RAB3GAP2: variants seen among roughly 807,000 people sequenced by gnomAD.
RAB3GAP2 encodes the protein rab3 GTPase-activating protein non-catalytic subunit.
In RAB3GAP2, 87 loss-of-function variants were observed where a neutral mutation model predicts 185.3. The observed-to-expected ratio is 0.47, with a 90% CI of 0.39 to 0.56. RAB3GAP2 has a LOEUF of 0.56. Among genes scored for constraint, RAB3GAP2 ranks in the 20% least tolerant of loss-of-function variants. RAB3GAP2 has a pLI of 0.00. For missense variants in RAB3GAP2, 1,492 were observed against 1,638.2 expected, an observed-to-expected ratio of 0.91 and a Z score of 1.54; for synonymous variants, 554 against 576.1, an observed-to-expected ratio of 0.96 and a Z score of 0.55.
intron 23 of RAB3GAP2, 34 bp from the exon 24 acceptor site, chr1:220,171,154 A>T: frequency 6.3e-7 from 1 of 1,578,520 alleles, no homozygotes. Flanking sequence ...TCTTTGCCAA[A>T]GATTCTGAAT....
chr1:220,230,306 A>C (rs1040331192), intron 2 of RAB3GAP2, among the ~76,000 whole-genome samples: 7 of 152,240 alleles, frequency 4.6e-5, no homozygotes, highest in African/African-American at 1.7e-4. Context: ...AGACAACCAC[A>C]AACAAGAGAC....
In RAB3GAP2 at chr1:220,220,818, A is replaced by G. The variant is rs146662339; in HGVS notation, c.181-6839T>C. On this transcript the variant is annotated intron_variant, in intron 2 of 34. Coordinates refer to ENST00000358951, the MANE Select transcript of RAB3GAP2 (RefSeq NM_012414.4). ...TCTCTTGTCTGTCGCCATGTGAGAC[A>G]TGGCTTTCACCTTCCACCATGATTG... Among the ~76,000 whole-genome samples, 113 of 152,320 alleles carry G rather than the reference A, an allele frequency of 7.4e-4. 1 individual carries two copies. The East Asian group carries it at 0.02, about 27-fold the overall frequency.
chr1:220,196,382 G>A lies in RAB3GAP2; in HGVS notation c.828C>T (p.Ser276=). ...DHASVGIMTL[S]PFDQMKTASN... ...AGGCAGTCTTCATTTGATCAAAGGG[G>A]GACAGAGTCATAATACCTAATAAAA... Residue 276 remains serine (S), a synonymous_variant, in exon 10 of 35, where the codon TCC becomes TCT. Transcript: ENST00000358951. The A allele has an allele frequency of 1.2e-6, 2 of 1,602,784 alleles. No homozygotes were observed. Among genetic ancestry groups the A allele is most frequent in the African/African-American group, 1.3e-5 (1 of 74,208 alleles).
At chr1:220,208,694 G>A (rs1225849827) in intron 7 of RAB3GAP2, among the ~76,000 whole-genome samples, 1 of 151,958 alleles carries the variant, frequency 6.6e-6, no homozygotes, top group Non-Finnish European at 1.5e-5. Flanking sequence ...CAATAACCAG[G>A]TCCTATTAAT....
At chr1:220,217,875 T>C (rs532907649) in intron 2 of RAB3GAP2, among the ~76,000 whole-genome samples, 38 of 152,332 alleles carry the variant, frequency 2.5e-4, no homozygotes, top group Middle Eastern at 3.4e-3. Flanking sequence ...CACTGTATCA[T>C]AGTCTTCTTA....
At chr1:220,151,539 G>A (rs183739356) in intron 34 of RAB3GAP2, 67 bp downstream of exon 34, 7 of 1,585,546 alleles carry the variant, frequency 4.4e-6, no homozygotes, top group African/African-American at 1.3e-5. Flanking sequence ...CTTCATAACT[G>A]TTATTAACCA....
At chr1:220,183,632 A>G (rs1658454241) in intron 19 of RAB3GAP2, among the ~76,000 whole-genome samples, 1 of 152,210 alleles carries the variant, frequency 6.6e-6, no homozygotes, top group South Asian at 2.1e-4. Context: ...AACTCTTACT[A>G]TTCTGAGGAA....
intron 2 of RAB3GAP2, among the ~76,000 whole-genome samples, chr1:220,231,878 T>C (rs1571918641): frequency 6.6e-6 from 1 of 152,358 alleles, no homozygotes; most frequent in East Asian, 1.9e-4. Flanking sequence ...ACACTGCATA[T>C]ACAAAGTAGA....
Position 220,202,337 on chromosome 1 carries a change from T to C in RAB3GAP2, c.750A>G (p.Pro250=). 6.2e-7 allele frequency: 1 copy of C among 1,613,896 alleles called. No individual in the cohort carries two copies. The highest frequency in any genetic ancestry group is 1.3e-5 in the African/African-American group (1 of 75,024). Residue 250 remains proline, a synonymous_variant, in exon 9 of 35, where the codon CCA becomes CCG. Transcript: ENST00000358951. Reference sequence around the variant, plus strand: ...GTAGACCCCATTTCTTATAAGCTAATGGTGGTGGTTGTATGTTCTCATTGC... The same window carrying C: ...GTAGACCCCATTTCTTATAAGCTAACGGTGGTGGTTGTATGTTCTCATTGC... The part of the protein sequence containing the change: ...ASGNENIQPP[P]LAYKKWGLQD...
intron 1 of RAB3GAP2, chr1:220,254,375 G>C: frequency 6.2e-7 from 1 of 1,611,606 alleles, no homozygotes; most frequent in South Asian, 1.1e-5. Flanking sequence ...TTATTTGTAC[G>C]AATTGGAGCA....
intron 28 of RAB3GAP2, among the ~76,000 whole-genome samples, chr1:220,160,173 C>A (rs958688898): frequency 6.6e-6 from 1 of 152,122 alleles, no homozygotes; most frequent in African/African-American, 2.4e-5. Context: ...ATATTCCTAG[C>A]CCAGAAAAAT....
Position 220,171,003 on chromosome 1 carries a change from G to A in RAB3GAP2, c.2695C>T (p.Leu899Phe). 6.2e-7 allele frequency: 1 copy of A among 1,614,138 alleles called. No homozygotes were observed. Among genetic ancestry groups the A allele is most frequent in the Non-Finnish European group, 8.5e-7 (1 of 1,180,002 alleles). Reference protein sequence around the residue: ...LLKQLEDCLILQTLLHSKGNT... With the variant: ...LLKQLEDCLIFQTLLHSKGNT... ...CCTTTGCTGTGAAGCAGAGTCTGAA[G>A]TATGAGACAATCCTCCAGCTGTTTC... Residue 899 changes from leucine to phenylalanine, a missense_variant, in exon 24 of 35, where the codon CTT becomes TTT. Coordinates refer to ENST00000358951, the MANE Select transcript of RAB3GAP2 (RefSeq NM_012414.4).
chr1:220,171,614 C>T (rs966879388), intron 23 of RAB3GAP2, among the ~76,000 whole-genome samples: 1 of 152,058 alleles, frequency 6.6e-6, no homozygotes, highest in Non-Finnish European at 1.5e-5. Flanking sequence ...TCCAAATTAA[C>T]GTTAACACCC....
chr1:220,211,178 A>G (rs1305594323), intron 4 of RAB3GAP2, 176 bp from the exon 5 acceptor site: 2 of 705,438 alleles, frequency 2.8e-6, no homozygotes, highest in Non-Finnish European at 5.0e-6. Flanking sequence ...CATAAAATTC[A>G]TTCACACAAA....
chr1:220,175,099 G>A (rs190050841), intron 21 of RAB3GAP2, among the ~76,000 whole-genome samples: 1 of 152,066 alleles, frequency 6.6e-6, no homozygotes, highest in African/African-American at 2.4e-5. Context: ...AGAAATGTTG[G>A]GGGAGAGCAG....
Position 220,196,291 on chromosome 1 carries a change from CAGTGAT to C in RAB3GAP2, c.913_918del (p.Ile305_Thr306del). Reference sequence around the variant, plus strand: ...AAGCCAGTAAATGGATTGGACCCTACAGTGATATACTGAGACATGGCAGGTGGACTA... The same window carrying C: ...AAGCCAGTAAATGGATTGGACCCTACATACTGAGACATGGCAGGTGGACTA... On this transcript the variant is annotated inframe_deletion, in exon 10 of 35. Coordinates refer to ENST00000358951, the MANE Select transcript of RAB3GAP2 (RefSeq NM_012414.4). 6.2e-7 allele frequency: 1 copy of C among 1,613,050 alleles called. No individual in the cohort carries two copies. Among genetic ancestry groups the C allele is most frequent in the Non-Finnish European group, 8.5e-7 (1 of 1,179,200 alleles).
chr1:220,206,042 G>T, intron 7 of RAB3GAP2, 36 bp from the exon 8 acceptor site: 1 of 1,310,536 alleles, frequency 7.6e-7, no homozygotes, highest in Non-Finnish European at 1.1e-6. Context: ...TTCTTGAATA[G>T]ATAAATAAGC....
At chr1:220,216,285 T>A (rs1296392151) in intron 2 of RAB3GAP2, among the ~76,000 whole-genome samples, 1 of 152,242 alleles carries the variant, frequency 6.6e-6, no homozygotes, top group Non-Finnish European at 1.5e-5. Flanking sequence ...CTACTTTTCT[T>A]AAGGAATTCT....
At chr1:220,154,743 CAG>C (rs766659680) in intron 31 of RAB3GAP2, among the ~76,000 whole-genome samples, 3,786 of 127,444 alleles carry the variant, frequency 0.03, 81 homozygotes, top group Non-Finnish European at 0.042. Context: ...TTTTTTGAGA[CAG>C]AGTCTCACTC....
Sources: gnomAD v4.1 joint callset for allele counts (sites outside exome capture counted in the v4.1 genomes callset) on GRCh38, gnomAD v4.1.1 for gene constraint, MANE v1.5 for transcripts, NCBI Gene and HGNC (gene_info 2026-07-23, HGNC 2026-07-21) for gene names.